WDPCP: variants seen among roughly 807,000 people sequenced by gnomAD.
WDPCP encodes the protein WD repeat containing planar cell polarity effector.
A neutral mutation model predicts 93.1 loss-of-function variants in WDPCP; 71 were observed. The observed-to-expected ratio is 0.76, with a 90% confidence interval of 0.63 to 0.93. The LOEUF is 0.93. WDPCP is among the 40% of genes least tolerant of loss of function. The pLI is 0.00. For synonymous variants in WDPCP, 315 were observed against 315.0 expected, an observed-to-expected ratio of 1.00 and a Z score of 0.00; for missense variants, 844 against 887.4, an observed-to-expected ratio of 0.95 and a Z score of 0.62.
intron 12 of WDPCP, among the ~76,000 whole-genome samples, chr2:63,365,148 G>C (rs1177611398): frequency 6.6e-6 from 1 of 152,138 alleles, no homozygotes; most frequent in African/African-American, 2.4e-5. Context: ...GTTGTTGTAA[G>C]GATTATATTA....
intron 7 of WDPCP, 143 bp downstream of exon 7, chr2:63,439,614 A>C: frequency 3.1e-6 from 2 of 645,556 alleles, no homozygotes; most frequent in South Asian, 4.9e-5. Context: ...TATTGGTCCC[A>C]GGGGGTGTAA....
At chr2:63,286,810 T>G (rs560283773) in intron 13 of WDPCP, among the ~76,000 whole-genome samples, 2 of 152,362 alleles carry the variant, frequency 1.3e-5, no homozygotes, top group South Asian at 4.1e-4. Context: ...ACTATTTCCT[T>G]TTGATTATTT....
chr2:63,612,174 C>T (rs1019357867), intron 3 of WDPCP, among the ~76,000 whole-genome samples: 14 of 152,174 alleles, frequency 9.2e-5, no homozygotes, highest in African/African-American at 3.4e-4. Flanking sequence ...GCTTGGAAGT[C>T]AGACAAGCTT....
chr2:63,408,678 C>T (rs1694788894), intron 9 of WDPCP, among the ~76,000 whole-genome samples: 1 of 152,176 alleles, frequency 6.6e-6, no homozygotes, highest in South Asian at 2.1e-4. Flanking sequence ...GGCTCGCCCA[C>T]TGCCTGGAAA....
At chr2:63,664,516 G>A (rs749275370) in intron 2 of WDPCP, among the ~76,000 whole-genome samples, 8 of 152,096 alleles carry the variant, frequency 5.3e-5, no homozygotes, top group Non-Finnish European at 1.0e-4. Context: ...TTTCTGCACC[G>A]GCTCCCAATT....
At chr2:63,532,098 A>G (rs1365562689) in intron 1 of WDPCP, among the ~76,000 whole-genome samples, 1 of 152,200 alleles carries the variant, frequency 6.6e-6, no homozygotes, top group East Asian at 1.9e-4. Flanking sequence ...CATCAAGTGG[A>G]ATAAAGGGGA....
intron 2 of WDPCP, among the ~76,000 whole-genome samples, chr2:63,676,786 T>TAC (rs1211682073): frequency 3.9e-4 from 21 of 53,172 alleles, no homozygotes; most frequent in African/African-American, 1.0e-3. Flanking sequence ...TGCATAGAAC[T>TAC]ACACATACAC....
At chr2:63,787,736 T>G (rs566369942) in intron 2 of WDPCP, among the ~76,000 whole-genome samples, 2 of 152,112 alleles carry the variant, frequency 1.3e-5, no homozygotes, top group Non-Finnish European at 2.9e-5. Context: ...CTACATTAAT[T>G]TGATTGATAA....
At chr2:63,671,927 A>C (rs1028585950) in intron 2 of WDPCP, among the ~76,000 whole-genome samples, 5 of 152,022 alleles carry the variant, frequency 3.3e-5, no homozygotes, top group Admixed American at 1.3e-4. Context: ...CCATGCTCAA[A>C]TAAACCCAGT....
intron 12 of WDPCP, among the ~76,000 whole-genome samples, chr2:63,337,548 T>C (rs7566860): frequency 0.17 from 25,522 of 152,206 alleles, 2,350 homozygotes; most frequent in Middle Eastern, 0.25. Flanking sequence ...AATTATATAG[T>C]AGTTCTGGTT....
chr2:63,498,575 C>T (rs1458375107), intron 1 of WDPCP, among the ~76,000 whole-genome samples: 1 of 152,152 alleles, frequency 6.6e-6, no homozygotes, highest in Non-Finnish European at 1.5e-5. Flanking sequence ...GAAATAGTTT[C>T]ACTACTATAC....
intron 3 of WDPCP, among the ~76,000 whole-genome samples, chr2:63,650,471 T>C (rs1710096862): frequency 6.6e-6 from 1 of 152,230 alleles, no homozygotes; most frequent in Admixed American, 6.5e-5. Flanking sequence ...GTGACTTTAG[T>C]ACTGGAGTTT....
intron 14 of WDPCP, among the ~76,000 whole-genome samples, chr2:63,187,041 C>G (rs1674695977): frequency 6.6e-6 from 1 of 152,048 alleles, no homozygotes; most frequent in African/African-American, 2.4e-5. Context: ...TTTAAGAGCT[C>G]TGATATTTAG....
At chr2:63,687,841 A>T (rs891706247) in intron 2 of WDPCP, among the ~76,000 whole-genome samples, 2 of 152,226 alleles carry the variant, frequency 1.3e-5, no homozygotes, top group South Asian at 2.1e-4. Context: ...CTCGGTATAT[A>T]CCTAAATGAA....
At chr2:63,205,975 T>G (rs539328465) in intron 14 of WDPCP, among the ~76,000 whole-genome samples, 1 of 152,338 alleles carries the variant, frequency 6.6e-6, no homozygotes, top group East Asian at 1.9e-4. Context: ...CATATATGGC[T>G]TTTATTAAGC....
intron 14 of WDPCP, among the ~76,000 whole-genome samples, chr2:63,183,163 T>C (rs1444606172): frequency 6.6e-6 from 1 of 152,086 alleles, no homozygotes; most frequent in Non-Finnish European, 1.5e-5. Context: ...GTTATTTGTT[T>C]TCTGTTAGCT....
chr2:63,455,890 T>C (rs542696854), intron 6 of WDPCP, among the ~76,000 whole-genome samples: 2 of 152,266 alleles, frequency 1.3e-5, no homozygotes, highest in Non-Finnish European at 2.9e-5. Flanking sequence ...TTCTCATCAG[T>C]ACATGGAACA....
chr2:63,312,632 G>A (rs1207977339), intron 13 of WDPCP, among the ~76,000 whole-genome samples: 1 of 152,146 alleles, frequency 6.6e-6, no homozygotes, highest in Non-Finnish European at 1.5e-5. Flanking sequence ...TGATCTCAAT[G>A]TGGCACTGTA....
intron 2 of WDPCP, among the ~76,000 whole-genome samples, chr2:63,760,791 G>A (rs1670045486): frequency 6.6e-6 from 1 of 152,178 alleles, no homozygotes; most frequent in African/African-American, 2.4e-5. Context: ...CCCTCTGTGT[G>A]ACAGTCCCTA....
Sources: gnomAD v4.1 joint callset for allele counts (sites outside exome capture counted in the v4.1 genomes callset) on GRCh38, gnomAD v4.1.1 for gene constraint, MANE v1.5 for transcripts, NCBI Gene and HGNC (gene_info 2026-07-23, HGNC 2026-07-21) for gene names.